CEP57L1: variants seen among roughly 807,000 people sequenced by gnomAD.
CEP57L1 encodes centrosomal protein CEP57L1.
CEP57L1 carries 37 observed loss-of-function variants against 61.0 expected under a neutral mutation model. That is an observed-to-expected ratio of 0.61 (90% confidence interval 0.47 to 0.80). CEP57L1 has a LOEUF of 0.80. CEP57L1 is among the 30% of genes least tolerant of loss of function. The pLI is 0.00. For synonymous variants in CEP57L1, 137 were observed against 162.3 expected, an observed-to-expected ratio of 0.84 and a Z score of 1.19; for missense variants, 422 against 524.7, an observed-to-expected ratio of 0.80 and a Z score of 1.91.
intron 5 of CEP57L1, among the ~76,000 whole-genome samples, chr6:109,154,332 C>G (rs1362882851): frequency 2.0e-5 from 3 of 152,062 alleles, no homozygotes; most frequent in Non-Finnish European, 4.4e-5. Context: ...GTCGTACTTC[C>G]CCTAGGAAGT....
intron 3 of CEP57L1, 137 bp from the exon 4 acceptor site, chr6:109,149,981 C>A (rs1387997477): frequency 2.4e-6 from 1 of 413,846 alleles, no homozygotes; most frequent in Non-Finnish European, 4.6e-6. Context: ...TATCCTGAGA[C>A]TTTGCTGAAG....
At chr6:109,098,130 C>G (rs1373460270) in intron 1 of CEP57L1, among the ~76,000 whole-genome samples, 1 of 152,108 alleles carries the variant, frequency 6.6e-6, no homozygotes, top group Admixed American at 6.5e-5. Flanking sequence ...ACTTTTCTCT[C>G]TCTCTCTTTC....
At chr6:109,145,565 C>T (rs192375491) in intron 2 of CEP57L1, among the ~76,000 whole-genome samples, 184 bp downstream of exon 2, 24 of 151,874 alleles carry the variant, frequency 1.6e-4, no homozygotes, top group South Asian at 2.1e-4. Flanking sequence ...CTTCTTCAGC[C>T]ATAAAATGAA....
intron 1 of CEP57L1, among the ~76,000 whole-genome samples, chr6:109,137,512 G>A (rs2114809949): frequency 6.6e-6 from 1 of 152,250 alleles, no homozygotes; most frequent in Non-Finnish European, 1.5e-5. Context: ...ATGTTGGTCA[G>A]GCTGGTCTCA....
chr6:109,105,720 A>G (rs1770851612), intron 1 of CEP57L1, among the ~76,000 whole-genome samples: 1 of 152,082 alleles, frequency 6.6e-6, no homozygotes, highest in Admixed American at 6.6e-5. Flanking sequence ...TTGAAATTAC[A>G]TTTTCTAGAT....
At chr6:109,096,311 AAGAC>A (rs1781701271) in intron 1 of CEP57L1, among the ~76,000 whole-genome samples, 1 of 152,218 alleles carries the variant, frequency 6.6e-6, no homozygotes, top group African/African-American at 2.4e-5. Context: ...AACAATGAAA[AAGAC>A]AGTCTTACTA....
At chr6:109,097,201 A>G (rs991706365) in intron 1 of CEP57L1, among the ~76,000 whole-genome samples, 7 of 152,150 alleles carry the variant, frequency 4.6e-5, no homozygotes, top group Non-Finnish European at 1.5e-5. Flanking sequence ...TGCCAACCTT[A>G]TCTCTCAAAA....
intron 1 of CEP57L1, among the ~76,000 whole-genome samples, chr6:109,124,488 C>T (rs529785694): frequency 2.0e-5 from 3 of 152,280 alleles, no homozygotes; most frequent in South Asian, 2.1e-4. Context: ...GACTTTGCCA[C>T]TTAACTAGGT....
rs1774383495 is a variant in CEP57L1, at chr6:109,171,147, G to A, written c.*8177G>A. ...TTACAGAATGGCTCTCAAGTCGAAA[G>A]AGGGCTGTGCCTTTGGTGTTTGGGT... On this transcript the variant is annotated 3_prime_UTR_variant, in exon 11 of 11. Transcript: ENST00000517392. Among the ~76,000 whole-genome samples the A allele has an allele frequency of 6.6e-6, 1 of 152,098 alleles. No homozygotes were observed. Among genetic ancestry groups the A allele is most frequent in the Non-Finnish European group, 1.5e-5 (1 of 68,024 alleles).
chr6:109,095,401 A>G, upstream of CEP57L1: 1 of 985,872 alleles, frequency 1.0e-6, no homozygotes, highest in Non-Finnish European at 1.2e-6. Context: ...CAAACCCCAG[A>G]TTTAAGTCGG....
rs1487707253 is a variant in CEP57L1, at chr6:109,159,012, TGCCAA to T, written c.745-12_745-8del. ...TAATTTCTTGTTTACGTTTTTTTCT[TGCCAA>T]TCTCTAGAAAACTAAATGTATAAAG... On this transcript the variant is annotated splice_region_variant and splice_polypyrimidine_tract_variant and intron_variant, in intron 7 of 10. Transcript: ENST00000517392. The T allele has an allele frequency of 1.3e-6, 2 of 1,593,018 alleles. No individual in the cohort carries two copies. The highest frequency in any genetic ancestry group is 1.4e-5 in the African/African-American group (1 of 73,660).
At chr6:109,104,872 C>G (rs1019162738) in intron 1 of CEP57L1, among the ~76,000 whole-genome samples, 1 of 152,166 alleles carries the variant, frequency 6.6e-6, no homozygotes, top group Non-Finnish European at 1.5e-5. Context: ...CAGACATGAG[C>G]CACTGCACTG....
intron 1 of CEP57L1, among the ~76,000 whole-genome samples, chr6:109,142,561 T>C (rs1167990738): frequency 6.6e-6 from 1 of 151,982 alleles, no homozygotes; most frequent in African/African-American, 2.4e-5. Flanking sequence ...TGCACATGTA[T>C]TCCATTTTTT....
chr6:109,110,665 T>C lies in CEP57L1; in HGVS notation c.-4+15090T>C, dbSNP rs149970335. Reference sequence around the variant, plus strand: ...AGGGTTTTTATGATTTTAGGTCTTATGTTTAAGTCTTTAATCCATCTTAAG... The same window carrying C: ...AGGGTTTTTATGATTTTAGGTCTTACGTTTAAGTCTTTAATCCATCTTAAG... On this transcript the variant is annotated intron_variant, in intron 1 of 10. Transcript: ENST00000517392. Among the ~76,000 whole-genome samples the C allele has an allele frequency of 8.3e-3, 1,261 of 152,294 alleles. 22 individuals are homozygous for C. Among genetic ancestry groups the C allele is most frequent in the African/African-American group, 0.029 (1,210 of 41,574 alleles).
chr6:109,162,706 A>T, intron 10 of CEP57L1, 43 bp from the exon 11 acceptor site: 1 of 1,231,566 alleles, frequency 8.1e-7, no homozygotes, highest in Non-Finnish European at 1.2e-6. Context: ...ATATATTTTT[A>T]GTATATTTTT....
chr6:109,115,741 T>C lies in CEP57L1; in HGVS notation c.-4+20166T>C, dbSNP rs13219601. ...AATTCTGGCTTTGCTATTCATTTTT[T>C]ATACATATTCAATTAGCCAAGTCAC... On this transcript the variant is annotated intron_variant, in intron 1 of 10. Transcript: ENST00000517392. Among the ~76,000 whole-genome samples the C allele has an allele frequency of 7.2e-3, 1,097 of 152,314 alleles. 11 individuals are homozygous for C. Among genetic ancestry groups the C allele is most frequent in the African/African-American group, 0.025 (1,030 of 41,564 alleles).
intron 1 of CEP57L1, among the ~76,000 whole-genome samples, chr6:109,136,935 G>C (rs1222391770): frequency 6.6e-6 from 1 of 151,914 alleles, no homozygotes; most frequent in Non-Finnish European, 1.5e-5. Context: ...ATTTTTAGTA[G>C]AGATGGGGTT....
At chr6:109,125,410 G>C (rs1773430488) in intron 1 of CEP57L1, among the ~76,000 whole-genome samples, 1 of 150,726 alleles carries the variant, frequency 6.6e-6, no homozygotes, top group African/African-American at 2.4e-5. Flanking sequence ...TATTAAGTCT[G>C]CTCAACCTGT....
chr6:109,107,432 G>A lies in CEP57L1; in HGVS notation c.-4+11857G>A, dbSNP rs188418473. On this transcript the variant is annotated intron_variant, in intron 1 of 10. Transcript: ENST00000517392. ...CTTCTTATTACATATAATTTTATAAGTTGCTTAATAGTCTTTCTAAAGCCT... is the reference window on the plus strand; with the variant it reads ...CTTCTTATTACATATAATTTTATAAATTGCTTAATAGTCTTTCTAAAGCCT... Among the ~76,000 whole-genome samples, 5 of 152,070 alleles carry A rather than the reference G, an allele frequency of 3.3e-5. No individual in the cohort carries two copies. The East Asian group carries it at 7.7e-4, about 23-fold the overall frequency.
Sources: allele counts gnomAD v4.1 joint callset (sites outside exome capture counted in the v4.1 genomes callset), GRCh38; gene constraint gnomAD v4.1.1; transcripts MANE v1.5; gene names NCBI Gene and HGNC (gene_info 2026-07-23, HGNC 2026-07-21).